ST14: variants seen among roughly 807,000 people sequenced by gnomAD.
The protein encoded by ST14 is ST14 transmembrane serine protease matriptase.
Under a neutral mutation model 96.5 loss-of-function variants are expected in ST14, and 40 were observed. The observed-to-expected ratio is 0.41, with a 90% CI of 0.32 to 0.54. The LOEUF is 0.54. Ranked by LOEUF, ST14 falls within the 20% of genes least tolerant of loss-of-function variation. The pLI is 0.17. For missense variants in ST14, 1,066 were observed against 1,188.9 expected (o/e 0.90, Z 1.52); for synonymous variants, 506 against 492.1 (o/e 1.03, Z -0.37).
At chr11:130,169,219 C>T (rs1439429516) in intron 1 of ST14, among the ~76,000 whole-genome samples, 2 of 151,614 alleles carry the variant, frequency 1.3e-5, no homozygotes, top group Non-Finnish European at 1.5e-5. Context: ...CTCAGCCTCC[C>T]GAGTAGCTGG....
chr11:130,184,611 T>C (rs1258689243), intron 1 of ST14, among the ~76,000 whole-genome samples: 1 of 152,182 alleles, frequency 6.6e-6, no homozygotes, highest in Non-Finnish European at 1.5e-5. Context: ...TCAAGTATTC[T>C]AGAAGACAGA....
chr11:130,195,712 G>A (rs769220171), intron 9 of ST14, among the ~76,000 whole-genome samples: 12 of 152,036 alleles, frequency 7.9e-5, no homozygotes. Flanking sequence ...AATTAGCCGG[G>A]TGTGATGGCG....
rs78318892 is a variant in ST14 at position 130,187,884 on chromosome 11, G to A, written c.82-230G>A. On this transcript the variant is annotated intron_variant, in intron 1 of 18. Coordinates refer to ENST00000278742, the MANE Select transcript of ST14 (RefSeq NM_021978.4). This position sits in a 1 kb window ranked among gnomAD's most constrained non-coding sequence, Gnocchi z 4.5. ...TGCTGTCCAGACCCTGAGATGCGTG[G>A]TTGGGAAGGCCGACCTCATGTTCCT... Among the ~76,000 whole-genome samples the A allele has an allele frequency of 7.4e-3, 1,127 of 152,322 alleles. 7 individuals are homozygous for A. Among genetic ancestry groups the A allele is most frequent in the Non-Finnish European group, 0.012 (832 of 68,034 alleles).
At chr11:130,205,737 C>T (rs1454196499) in intron 16 of ST14, among the ~76,000 whole-genome samples, 12 of 114,708 alleles carry the variant, frequency 1.0e-4, no homozygotes, top group Non-Finnish European at 1.7e-4. Context: ...CGCACTCTTT[C>T]GCCCAGTCTG....
At chr11:130,208,750 T>C (rs1953515505) in intron 17 of ST14, 66 bp downstream of exon 17, 2 of 1,542,312 alleles carry the variant, frequency 1.3e-6, no homozygotes, top group Non-Finnish European at 1.8e-6. Context: ...CCGTGTTTCC[T>C]CTGCGTGTCC....
rs1177519931 is a variant in ST14 at position 130,190,779 on chromosome 11, G to A, written c.875+85G>A. 11 of 1,456,420 alleles carry A rather than the reference G, an allele frequency of 7.6e-6. No individual in the cohort carries two copies. The African/African-American group carries it at 1.4e-4, about 19-fold the overall frequency. 90.2% of individuals were successfully genotyped at this position (1,456,420 alleles called of 1,614,324 possible). On this transcript the variant is annotated intron_variant, in intron 7 of 18. Coordinates refer to ENST00000278742, the MANE Select transcript of ST14 (RefSeq NM_021978.4). ...CAGCTTCTTCAACGATTGGGATACA[G>A]TTTATGACTCTTGGCCGCAGGCCAC...
intron 11 of ST14, chr11:130,196,923 C>T: frequency 3.1e-6 from 2 of 637,984 alleles, no homozygotes; most frequent in East Asian, 3.0e-5. Flanking sequence ...TTCTGGGTTG[C>T]AGTCCCAGCA....
intron 12 of ST14, 126 bp from the exon 13 acceptor site, chr11:130,198,182 G>A: frequency 2.0e-6 from 2 of 1,006,788 alleles, no homozygotes; most frequent in Non-Finnish European, 3.2e-6. Flanking sequence ...AGCTGGTGGA[G>A]CAGGGCCCCT....
At chr11:130,172,906 G>C (rs1414294375) in intron 1 of ST14, among the ~76,000 whole-genome samples, 1 of 152,154 alleles carries the variant, frequency 6.6e-6, no homozygotes, top group African/African-American at 2.4e-5. Flanking sequence ...TGCTGTGTAC[G>C]AGCCTCACGC....
rs536513254 is a variant in ST14, at chr11:130,187,232, C to T, written c.82-882C>T. Among the ~76,000 whole-genome samples, 3 of 152,262 alleles carry T rather than the reference C, an allele frequency of 2.0e-5. No homozygotes were observed. Among genetic ancestry groups the T allele is most frequent in the Admixed American group, 2.0e-4 (3 of 15,290 alleles). On this transcript the variant is annotated intron_variant, in intron 1 of 18. Coordinates refer to ENST00000278742, the MANE Select transcript of ST14 (RefSeq NM_021978.4). The surrounding 1 kb of genome is among the most constrained non-coding windows in gnomAD (Gnocchi z 4.5). The stretch of plus-strand genomic sequence containing the variant: ...CCACAGTGCCAGGCCATGGTGCATC[C>T]CCAGGATTCAGGGCGGGCAGACGGC...
At chr11:130,192,175 G>A (rs7927307) in intron 7 of ST14, among the ~76,000 whole-genome samples, 150 of 152,282 alleles carry the variant, frequency 9.9e-4, no homozygotes, top group African/African-American at 2.9e-3. Context: ...AAATGAGCTC[G>A]GCGGACGTTT....
In ST14 at chr11:130,188,892, C is replaced by T. The variant is rs753482851; in HGVS notation, c.393C>T (p.Val131=). 1.2e-6 allele frequency: 2 copies of T among 1,613,046 alleles called. No individual in the cohort carries two copies. The highest frequency in any genetic ancestry group is 3.3e-5 in the Admixed American group (2 of 59,834). ...AGCTGAAGCTGCTGTACAGCGGAGT[C>T]CCATTCCTGGGCCCCTACCACAAGG... ...KDALKLLYSG[V]PFLGPYHKES... The change falls in exon 4 of 19, where the codon GTC becomes GTT. Residue 131 remains valine, a synonymous_variant. Coordinates refer to ENST00000278742, the MANE Select transcript of ST14 (RefSeq NM_021978.4). The surrounding 1 kb of genome is among the most constrained non-coding windows in gnomAD (Gnocchi z 5.4).
chr11:130,174,542 C>T (rs1400864353), intron 1 of ST14, among the ~76,000 whole-genome samples: 1 of 151,998 alleles, frequency 6.6e-6, no homozygotes, highest in Non-Finnish European at 1.5e-5. Context: ...GCAGTTATTA[C>T]CAACTCCCCG....
At position 130,188,166 on chromosome 11, in the gene ST14, A is replaced by G; in HGVS notation, c.134A>G (p.Lys45Arg). 2 of 1,614,230 alleles carry G rather than the reference A, an allele frequency of 1.2e-6. No individual in the cohort carries two copies. The highest frequency in any genetic ancestry group is 2.2e-5 in the South Asian group (2 of 91,082). The change falls in exon 2 of 19, where the codon AAG (lysine) becomes AGG (arginine). Residue 45 changes from lysine (K) to arginine (R), a missense_variant. Lys to Arg is a conservative substitution (Grantham distance 26). Transcript: ENST00000278742. This position sits in a 1 kb window ranked among gnomAD's most constrained non-coding sequence, Gnocchi z 5.4. ...GVEFLPVNNV[K>R]KVEKHGPGRW... Reference sequence around the variant, plus strand: ...GAGTTCCTGCCAGTCAACAACGTCAAGAAGGTGGAAAAGCATGGCCCGGGG... The same window carrying G: ...GAGTTCCTGCCAGTCAACAACGTCAGGAAGGTGGAAAAGCATGGCCCGGGG...
chr11:130,190,375 C>T, intron 6 of ST14, 79 bp from the exon 7 acceptor site: 1 of 1,592,046 alleles, frequency 6.3e-7, no homozygotes, highest in Non-Finnish European at 8.5e-7. Flanking sequence ...GAGGTCCACA[C>T]CCACGGGGTC....
At chr11:130,183,019 C>T (rs12794873) in intron 1 of ST14, among the ~76,000 whole-genome samples, 5 of 151,102 alleles carry the variant, frequency 3.3e-5, no homozygotes, top group Admixed American at 6.6e-5. Context: ...TGTAATGGCA[C>T]GATTTTGGCT....
intron 4 of ST14, 168 bp from the exon 5 acceptor site, chr11:130,189,571 T>A: frequency 1.2e-6 from 1 of 854,970 alleles, no homozygotes. Context: ...GCAAGGCCTC[T>A]TGCTTTGGGG....
intron 1 of ST14, among the ~76,000 whole-genome samples, chr11:130,164,115 G>A (rs576905760): frequency 6.6e-6 from 1 of 152,328 alleles, no homozygotes; most frequent in African/African-American, 2.4e-5. Context: ...TTTTAAAAGA[G>A]AAGTTGTCTT....
In ST14 at chr11:130,188,337, C is replaced by T. The variant is rs1056282165; in HGVS notation, c.241+64C>T. The T allele has an allele frequency of 5.7e-6, 9 of 1,587,474 alleles. No individual in the cohort carries two copies. Among genetic ancestry groups the T allele is most frequent in the South Asian group, 1.2e-5 (1 of 86,246 alleles). On this transcript the variant is annotated intron_variant, in intron 2 of 18. Transcript: ENST00000278742. This position sits in a 1 kb window ranked among gnomAD's most constrained non-coding sequence, Gnocchi z 5.4. ...GGGGTGGCTGTCCCTCTTCCCTCAG[C>T]GGACAGACCCAGGGCCACCTACTGA...
Sources: allele counts gnomAD v4.1 joint callset (sites outside exome capture counted in the v4.1 genomes callset), GRCh38; gene constraint gnomAD v4.1.1; non-coding constraint Gnocchi (gnomAD v3.1); transcripts MANE v1.5; gene names NCBI Gene and HGNC (gene_info 2026-07-23, HGNC 2026-07-21).